The following ARHGEF33 variants were observed in gnomAD, a reference collection of about 807,000 sequenced individuals.
ARHGEF33 encodes the protein DH and coiled-coil domain-containing protein ENSP00000381780.
In ARHGEF33, 72 loss-of-function variants were observed where a neutral mutation model predicts 101.9. The ratio of observed to expected loss-of-function variants is 0.71; its 90% CI spans 0.58 to 0.86. The LOEUF (loss-of-function observed/expected upper bound fraction) is 0.86, where lower values mean the gene tolerates loss of function less well. Among genes scored for constraint, ARHGEF33 ranks in the 40% least tolerant of loss-of-function variants. ARHGEF33 has a pLI of 0.00. For missense variants in ARHGEF33, 1,169 were observed against 1,111.3 expected (o/e 1.05, Z -0.74); for synonymous variants, 499 against 442.5 (o/e 1.13, Z -1.60).
chr2:38,954,371 A>G lies in ARHGEF33; in HGVS notation c.1138-2A>G, dbSNP rs1226128594. On this transcript the variant is annotated splice_acceptor_variant, in intron 12 of 17. Transcript: ENST00000409978. LOFTEE classifies it high-confidence loss of function. ...GAGTAACTTGACCTTTCTTTCATTC[A>G]GGGTGATGAAGAGATTAAATCTGAC... 6.5e-7 allele frequency: 1 copy of G among 1,534,384 alleles called. No homozygotes were observed. Among genetic ancestry groups the G allele is most frequent in the Non-Finnish European group, 8.8e-7 (1 of 1,132,382 alleles).
chr2:38,916,290 A>G (rs1449976116), intron 2 of ARHGEF33, among the ~76,000 whole-genome samples: 1 of 152,216 alleles, frequency 6.6e-6, no homozygotes, highest in Non-Finnish European at 1.5e-5. Context: ...AATCACTTCT[A>G]AAGACCGTTT....
intron 2 of ARHGEF33, among the ~76,000 whole-genome samples, chr2:38,915,319 C>T (rs1009707588): frequency 1.3e-5 from 2 of 150,850 alleles, no homozygotes; most frequent in Non-Finnish European, 2.9e-5. Context: ...TAAGTAGAGG[C>T]GTTATAGTTG....
Position 38,954,409 on chromosome 2 carries a change from T to A in ARHGEF33, c.1174T>A (p.Phe392Ile). 1 of 1,551,126 alleles carries A rather than the reference T, an allele frequency of 6.4e-7. No individual in the cohort carries two copies. Among genetic ancestry groups the A allele is most frequent in the Non-Finnish European group, 8.7e-7 (1 of 1,146,454 alleles). The part of the protein sequence containing the change: ...EEIKSDIYTL[F>I]FHIVQRIPEY... The stretch of plus-strand genomic sequence containing the variant: ...GATTAAATCTGACATCTACACGTTG[T>A]TTTTTCACATAGTCCAGCGCATCCC... The change falls in exon 13 of 18, where the codon TTT (phenylalanine) becomes ATT (isoleucine). Residue 392 changes from phenylalanine (F) to isoleucine (I), a missense_variant. Physicochemically the swap from Phe to Ile is conservative, Grantham distance 21. Coordinates refer to ENST00000409978, the MANE Select transcript of ARHGEF33 (RefSeq NM_001145451.5).
intron 13 of ARHGEF33, among the ~76,000 whole-genome samples, chr2:38,954,935 A>G (rs922132607): frequency 3.3e-5 from 5 of 152,150 alleles, no homozygotes; most frequent in Non-Finnish European, 5.9e-5. Flanking sequence ...CAGCCAGCCT[A>G]AAATCTTTAT....
chr2:38,904,703 G>C (rs1409587870), intron 2 of ARHGEF33, among the ~76,000 whole-genome samples: 1 of 48,264 alleles, frequency 2.1e-5, no homozygotes, highest in African/African-American at 4.0e-5. Flanking sequence ...GCGAGACTCT[G>C]TATCAAAAAA....
At chr2:38,912,092 A>G (rs1466077347) in intron 2 of ARHGEF33, among the ~76,000 whole-genome samples, 1 of 152,236 alleles carries the variant, frequency 6.6e-6, no homozygotes, top group Admixed American at 6.5e-5. Context: ...CAGGCATGAT[A>G]TAGACACCAA....
chr2:38,959,789 G>C lies in ARHGEF33; in HGVS notation c.1536-52G>C, dbSNP rs1667866109. ...AGGGGCGCCGGCAGGCGAGAGGCCT[G>C]CACTAACCGGCCGTAAGCACAGCTC... On this transcript the variant is annotated intron_variant, in intron 15 of 17. Coordinates refer to ENST00000409978, the MANE Select transcript of ARHGEF33 (RefSeq NM_001145451.5). 14 of 1,477,820 alleles carry C rather than the reference G, an allele frequency of 9.5e-6. No homozygotes were observed. In the Admixed American group the frequency reaches 3.0e-4, roughly 32 times the overall value. 91.5% of individuals were successfully genotyped at this position (1,477,820 alleles called of 1,614,324 possible).
intron 16 of ARHGEF33, among the ~76,000 whole-genome samples, chr2:38,962,399 G>A (rs773717621): frequency 1.3e-5 from 2 of 152,096 alleles, no homozygotes; most frequent in African/African-American, 4.8e-5. Context: ...TTCAACAATT[G>A]TAAGGCAAAA....
Position 38,975,130 on chromosome 2 carries a change from T to C in ARHGEF33, c.*1287T>C, listed in dbSNP as rs932822445. Reference sequence around the variant, plus strand: ...GCTGTTCCTCTATTGAAGCGTTTGTTGATAAAATAGGCAAAGGTTCACATG... The same window carrying C: ...GCTGTTCCTCTATTGAAGCGTTTGTCGATAAAATAGGCAAAGGTTCACATG... On this transcript the variant is annotated 3_prime_UTR_variant, in exon 18 of 18. Transcript: ENST00000409978. 2.0e-5 allele frequency: 3 copies of C among 152,222 alleles called. No homozygotes were observed. The highest frequency in any genetic ancestry group is 7.2e-5 in the African/African-American group (3 of 41,454). 9.4% of individuals were successfully genotyped at this position (152,222 alleles called of 1,614,324 possible).
In ARHGEF33 at chr2:38,937,408, C is replaced by A; in HGVS notation, c.639C>A (p.Gly213=). The A allele has an allele frequency of 6.5e-7, 1 of 1,529,390 alleles. No homozygotes were observed. The highest frequency in any genetic ancestry group is 8.8e-7 in the Non-Finnish European group (1 of 1,135,156). 94.7% of individuals were successfully genotyped at this position (1,529,390 alleles called of 1,614,324 possible). Residue 213 remains glycine (G), a synonymous_variant, in exon 9 of 18, where the codon GGC becomes GGA. Transcript: ENST00000409978. ...SCLSADIQSK[G]HLPSGMWRQP... ...TCTCGGCTGATATCCAGTCCAAGGG[C>A]CATCTCCCATCTGGCATGTGGAGGC...
At chr2:38,936,583 C>G (rs1456847830) in intron 8 of ARHGEF33, among the ~76,000 whole-genome samples, 1 of 152,192 alleles carries the variant, frequency 6.6e-6, no homozygotes, top group South Asian at 2.1e-4. Context: ...AGACCAGAAA[C>G]AGAGGGAACC....
chr2:38,953,327 G>A (rs958472326), intron 12 of ARHGEF33, 82 bp downstream of exon 12: 70 of 817,734 alleles, frequency 8.6e-5, no homozygotes, highest in Admixed American at 8.1e-4. Context: ...TCAATACAGC[G>A]CATGCACTGT....
rs367845748 is a variant in ARHGEF33, at chr2:38,966,076, G to C, written c.2414G>C (p.Ser805Thr). Residue 805 changes from serine to threonine, a missense_variant, in exon 17 of 18, where the codon AGC becomes ACC. Coordinates refer to ENST00000409978, the MANE Select transcript of ARHGEF33 (RefSeq NM_001145451.5). ...AGAGAAAGTGAACAAACATCTTTCA[G>C]CGATCAAAATCCCAGGCAAGACCAG... ...EERESEQTSF[S>T]DQNPRQDQKG... The C allele has an allele frequency of 7.1e-6, 11 of 1,551,586 alleles. No homozygotes were observed. In the African/African-American group the frequency reaches 1.1e-4, roughly 15 times the overall value.
intron 4 of ARHGEF33, among the ~76,000 whole-genome samples, chr2:38,928,186 C>G (rs1170947830): frequency 1.3e-5 from 2 of 152,164 alleles, no homozygotes; most frequent in Non-Finnish European, 2.9e-5. Context: ...GATTTGTACC[C>G]TACCTGATCC....
chr2:38,952,266 G>A (rs1667629811), intron 11 of ARHGEF33, among the ~76,000 whole-genome samples: 1 of 152,224 alleles, frequency 6.6e-6, no homozygotes, highest in Admixed American at 6.5e-5. Context: ...ACAGACTAGA[G>A]TGCATATAAT....
chr2:38,895,288 T>C (rs920060714), intron 1 of ARHGEF33, among the ~76,000 whole-genome samples: 1 of 152,212 alleles, frequency 6.6e-6, no homozygotes, highest in Non-Finnish European at 1.5e-5. Flanking sequence ...TGTTCTTAAT[T>C]TTGAGTATAG....
intron 2 of ARHGEF33, among the ~76,000 whole-genome samples, chr2:38,896,190 G>T (rs1475282187): frequency 6.6e-6 from 1 of 152,194 alleles, no homozygotes; most frequent in Admixed American, 6.5e-5. Context: ...TCGCCCAGTA[G>T]TGCAGTGGTG....
chr2:38,928,895 T>C lies in ARHGEF33; in HGVS notation c.76-12T>C, dbSNP rs1162020575. On this transcript the variant is annotated splice_polypyrimidine_tract_variant and intron_variant, in intron 4 of 17. Coordinates refer to ENST00000409978, the MANE Select transcript of ARHGEF33 (RefSeq NM_001145451.5). ...TCCAGCAAATTGAATTAACTTTTCA[T>C]GCATTATTTAGTTGCAGGCCCTAGC... 10 of 1,537,512 alleles carry C rather than the reference T, an allele frequency of 6.5e-6. No homozygotes were observed. Among genetic ancestry groups the C allele is most frequent in the East Asian group, 2.5e-5 (1 of 40,700 alleles).
At chr2:38,935,752 T>C in intron 7 of ARHGEF33, 23 bp from the exon 8 acceptor site, 1 of 1,550,008 alleles carries the variant, frequency 6.5e-7, no homozygotes, top group East Asian at 2.4e-5. Flanking sequence ...GAACGCTGAA[T>C]GAATGCTTTC....
Sources: gnomAD v4.1 joint callset for allele counts (sites outside exome capture counted in the v4.1 genomes callset) on GRCh38, gnomAD v4.1.1 for gene constraint, MANE v1.5 for transcripts, NCBI Gene and HGNC (gene_info 2026-07-23, HGNC 2026-07-21) for gene names.